Variants in ZXDC observed in about 807,000 individuals in gnomAD.
The protein encoded by ZXDC is ZXD family zinc finger C.
In ZXDC, 58 loss-of-function variants were observed where a neutral mutation model predicts 63.6. The ratio of observed to expected loss-of-function variants is 0.91; its 90% CI spans 0.74 to 1.13. ZXDC has a LOEUF of 1.13. Ranked by LOEUF, ZXDC falls within the 50% of genes most tolerant of loss-of-function variation. The pLI is 0.00. For synonymous variants in ZXDC, 561 were observed against 496.1 expected, an observed-to-expected ratio of 1.13 and a Z score of -1.74; for missense variants, 1,133 against 1,148.9, an observed-to-expected ratio of 0.99 and a Z score of 0.20.
chr3:126,475,296 G>A lies in ZXDC; in HGVS notation c.570C>T (p.His190=), dbSNP rs752340698. The A allele has an allele frequency of 2.1e-4, 320 of 1,549,698 alleles. No individual in the cohort carries two copies. Among genetic ancestry groups the A allele is most frequent in the Non-Finnish European group, 2.7e-4 (311 of 1,146,648 alleles). ...GCGTGAGCAGGTGCACCTTGAGCTG[G>A]TGCTTCTTGGCGAAGGCCAGCGCGC... The part of the protein sequence containing the change: ...PQCALAFAKK[H]QLKVHLLTHG... The change falls in exon 1 of 10, where the codon CAC becomes CAT. Residue 190 remains histidine (H), a synonymous_variant. Transcript: ENST00000389709.
At chr3:126,469,975 GCCA>G (rs1934917435) in intron 4 of ZXDC, among the ~76,000 whole-genome samples, 1 of 152,134 alleles carries the variant, frequency 6.6e-6, no homozygotes, top group Admixed American at 6.5e-5. Flanking sequence ...CTTGACTGAG[GCCA>G]CCACTTTAGG....
In ZXDC at chr3:126,437,615, A is replaced by T. The variant is rs1169472564; in HGVS notation, c.*760T>A. 1 of 152,244 alleles carries T rather than the reference A, an allele frequency of 6.6e-6. No homozygotes were observed. The highest frequency in any genetic ancestry group is 1.5e-5 in the Non-Finnish European group (1 of 68,082). 9.4% of individuals were successfully genotyped at this position (152,244 alleles called of 1,614,324 possible). ...TACACGCGCCATCACAGTCCTACAC[A>T]TAATTTATGGTATTCAGAACATCAC... is the stretch of plus-strand genomic sequence containing the variant. On this transcript the variant is annotated 3_prime_UTR_variant, in exon 10 of 10. Coordinates refer to ENST00000389709, the MANE Select transcript of ZXDC (RefSeq NM_025112.5).
At position 126,469,733 on chromosome 3, in the gene ZXDC, G is replaced by A. The variant is rs1003842593; in HGVS notation, c.1270+1162C>T. On this transcript the variant is annotated intron_variant, in intron 4 of 9. Transcript: ENST00000389709. ...GCTCTCCCCTCTTCTTCAGCTGACC[G>A]CGAGGCCGTTCTCACCCCGGTCTGG... Among the ~76,000 whole-genome samples the A allele has an allele frequency of 2.0e-5, 3 of 152,246 alleles. No homozygotes were observed. In the East Asian group the frequency reaches 5.8e-4, roughly 29 times the overall value.
At chr3:126,455,096 A>G in intron 7 of ZXDC, 1 of 985,334 alleles carries the variant, frequency 1.0e-6, no homozygotes, top group Non-Finnish European at 1.2e-6. Flanking sequence ...TCTTGGACTT[A>G]TTACAGGTCC....
chr3:126,462,273 A>C, intron 5 of ZXDC, 53 bp from the exon 6 acceptor site: 1 of 1,524,392 alleles, frequency 6.6e-7, no homozygotes, highest in Non-Finnish European at 8.7e-7. Context: ...AAGACTGAGT[A>C]CTTTTGTTTA....
rs760522570 is a variant in ZXDC at position 126,462,203 on chromosome 3, C to T, written c.1459G>A (p.Glu487Lys). 6.3e-7 allele frequency: 1 copy of T among 1,596,958 alleles called. No homozygotes were observed. Among genetic ancestry groups the T allele is most frequent in the African/African-American group, 1.3e-5 (1 of 74,318 alleles). The change falls in exon 6 of 10, where the codon GAA becomes AAA. Residue 487 changes from glutamate (E) to lysine (K), a missense_variant. Coordinates refer to ENST00000389709, the MANE Select transcript of ZXDC (RefSeq NM_025112.5). ...SRRQDLLPQL[E>K]APSSLTPSSE... ...CTGGGAGTAAGAGAACTCGGAGCTTCTAGCTGAGGTAAGAGATCTGAAAAA... is the reference window on the plus strand; with the variant it reads ...CTGGGAGTAAGAGAACTCGGAGCTTTTAGCTGAGGTAAGAGATCTGAAAAA...
intron 5 of ZXDC, among the ~76,000 whole-genome samples, chr3:126,463,866 CAAAAAG>C (rs933658866): frequency 5.3e-5 from 8 of 151,920 alleles, no homozygotes; most frequent in African/African-American, 1.7e-4. Context: ...CTATTCTAGA[CAAAAAG>C]AAAATCAAAT....
intron 9 of ZXDC, 60 bp downstream of exon 9, chr3:126,439,572 G>A: frequency 6.4e-7 from 1 of 1,550,680 alleles, no homozygotes; most frequent in African/African-American, 1.4e-5. Context: ...CCAGGCTTCT[G>A]GAAGTCGAAG....
chr3:126,444,823 T>C (rs1449817568), intron 7 of ZXDC, among the ~76,000 whole-genome samples: 1 of 152,222 alleles, frequency 6.6e-6, no homozygotes, highest in African/African-American at 2.4e-5. Flanking sequence ...ATTCGAATCA[T>C]GGGAAAATCA....
intron 7 of ZXDC, chr3:126,454,652 G>C: frequency 1.0e-6 from 1 of 985,368 alleles, no homozygotes. Context: ...GGATACCCTT[G>C]GTTTTCTGTC....
chr3:126,459,890 A>G (rs2107645830), intron 6 of ZXDC, 153 bp from the exon 7 acceptor site: 1 of 985,486 alleles, frequency 1.0e-6, no homozygotes, highest in Non-Finnish European at 1.2e-6. Context: ...CAAACGCTAC[A>G]TCCACTTGTG....
chr3:126,439,838 C>G (rs1301591801), intron 8 of ZXDC, 111 bp from the exon 9 acceptor site: 24 of 1,458,038 alleles, frequency 1.6e-5, no homozygotes, highest in Non-Finnish European at 2.0e-5. Context: ...AACCAGCCCA[C>G]CCCCTGTATT....
At chr3:126,462,292 A>T in intron 5 of ZXDC, 72 bp from the exon 6 acceptor site, 1 of 1,506,092 alleles carries the variant, frequency 6.6e-7, no homozygotes, top group Non-Finnish European at 8.8e-7. Context: ...TATGCCCATG[A>T]TGTTACCGAG....
chr3:126,466,616 T>C (rs959879529), intron 4 of ZXDC, among the ~76,000 whole-genome samples: 1 of 152,254 alleles, frequency 6.6e-6, no homozygotes, highest in Admixed American at 6.5e-5. Flanking sequence ...CATGGAGATG[T>C]TGGGAAGATT....
intron 1 of ZXDC, among the ~76,000 whole-genome samples, chr3:126,474,646 G>A (rs1415220099): frequency 3.9e-5 from 6 of 151,902 alleles, no homozygotes; most frequent in African/African-American, 1.4e-4. Flanking sequence ...ATAAAGACCT[G>A]ACACATAGCT....
At chr3:126,460,424 C>T (rs1934478991) in intron 6 of ZXDC, 1 of 973,368 alleles carries the variant, frequency 1.0e-6, no homozygotes, top group Admixed American at 6.2e-5. Context: ...AGCGAGGTAG[C>T]CCAACGTCAC....
At chr3:126,474,923 A>G (rs755740563) in intron 1 of ZXDC, 36 bp downstream of exon 1, 1 of 1,529,558 alleles carries the variant, frequency 6.5e-7, no homozygotes, top group Non-Finnish European at 8.8e-7. Flanking sequence ...TGCCTGCAAC[A>G]CCGCGCAGCC....
At chr3:126,447,302 G>A (rs570445782) in intron 7 of ZXDC, among the ~76,000 whole-genome samples, 1 of 152,336 alleles carries the variant, frequency 6.6e-6, no homozygotes, top group African/African-American at 2.4e-5. Context: ...TGTCATGAGT[G>A]AGCCTGGCAT....
At chr3:126,442,586 G>C (rs1933723973) in intron 7 of ZXDC, 1 of 152,226 alleles carries the variant, frequency 6.6e-6, no homozygotes, top group Admixed American at 6.5e-5. Flanking sequence ...CTCTGCTCCA[G>C]GGATCTGGAA....
Sources: gnomAD v4.1 joint callset for allele counts (sites outside exome capture counted in the v4.1 genomes callset) on GRCh38, gnomAD v4.1.1 for gene constraint, MANE v1.5 for transcripts, NCBI Gene and HGNC (gene_info 2026-07-23, HGNC 2026-07-21) for gene names.